WWOX: variants seen among roughly 807,000 people sequenced by gnomAD.
The protein encoded by WWOX is WW domain-containing oxidoreductase.
WWOX carries 69 observed loss-of-function variants against 46.2 expected under a neutral mutation model. That is an observed-to-expected ratio of 1.49 (90% CI 1.23 to 1.82). The LOEUF is 1.82. Among genes scored for constraint, WWOX ranks in the 40% most tolerant of loss-of-function variants. The probability of loss-of-function intolerance (pLI) is 0.00; values close to 1 mark genes in which losing one functional copy is unlikely to be tolerated. For missense variants in WWOX, 919 were observed against 542.6 expected, an observed-to-expected ratio of 1.69 and a Z score of -6.89; for synonymous variants, 359 against 202.6, an observed-to-expected ratio of 1.77 and a Z score of -6.56.
chr16:78,680,562 G>A (rs2047705707), intron 8 of WWOX, among the ~76,000 whole-genome samples: 1 of 152,122 alleles, frequency 6.6e-6, no homozygotes, highest in Admixed American at 6.6e-5. Context: ...GTAGAGCTGG[G>A]CTATCCAATA....
intron 6 of WWOX, among the ~76,000 whole-genome samples, chr16:78,409,992 C>G (rs2082639533): frequency 6.6e-6 from 1 of 152,110 alleles, no homozygotes; most frequent in Non-Finnish European, 1.5e-5. Flanking sequence ...AAACATAATC[C>G]CTAGTGTTGG....
At chr16:78,723,200 G>A (rs1244013847) in intron 8 of WWOX, among the ~76,000 whole-genome samples, 2 of 152,160 alleles carry the variant, frequency 1.3e-5, no homozygotes, top group Non-Finnish European at 2.9e-5. Flanking sequence ...GGCTTTCTTA[G>A]CAGCTACAGA....
chr16:78,994,808 G>C lies in WWOX; in HGVS notation c.1057-216800G>C, dbSNP rs1365360724. ...GTACGACAAAGAGCAGGGTTTCGCC[G>C]TGTCATGCACCATTTGCCGTTGCAC... On this transcript the variant is annotated intron_variant, in intron 8 of 8. Transcript: ENST00000566780. 4.6e-5 allele frequency among the ~76,000 whole-genome samples: 7 copies of C among 152,116 alleles called. 1 individual carries two copies. The East Asian group carries it at 1.4e-3, about 29-fold the overall frequency.
chr16:78,878,556 A>G (rs1254758177), intron 8 of WWOX, among the ~76,000 whole-genome samples: 1 of 152,230 alleles, frequency 6.6e-6, no homozygotes, highest in Non-Finnish European at 1.5e-5. Context: ...AATGTTAACT[A>G]TAATTATATT....
rs115275845 is a variant in WWOX at position 78,533,074 on chromosome 16, G to A, written c.1056+100322G>A. Among the ~76,000 whole-genome samples the A allele has an allele frequency of 4.1e-3, 620 of 152,210 alleles. 4 individuals are homozygous for A. The highest frequency in any genetic ancestry group is 0.014 in the African/African-American group (580 of 41,526). ...GAGGGTGGGAGCCAGACAGATGGGAGTATCCTAGCCTCAGTTCCTTTCCAT... is the reference window on the plus strand; with the variant it reads ...GAGGGTGGGAGCCAGACAGATGGGAATATCCTAGCCTCAGTTCCTTTCCAT... On this transcript the variant is annotated intron_variant, in intron 8 of 8. Coordinates refer to ENST00000566780, the MANE Select transcript of WWOX (RefSeq NM_016373.4).
intron 8 of WWOX, among the ~76,000 whole-genome samples, chr16:79,132,382 T>A (rs2049898130): frequency 6.6e-6 from 1 of 152,182 alleles, no homozygotes; most frequent in South Asian, 2.1e-4. Context: ...AATAGTTTTC[T>A]CTTTGTCTAA....
At chr16:78,996,573 C>T (rs1208639533) in intron 8 of WWOX, among the ~76,000 whole-genome samples, 2 of 152,036 alleles carry the variant, frequency 1.3e-5, no homozygotes, top group Non-Finnish European at 2.9e-5. Context: ...GAGAAAATTA[C>T]AGTGAGAGAT....
At chr16:78,342,347 C>A (rs2081031834) in intron 5 of WWOX, among the ~76,000 whole-genome samples, 1 of 120,854 alleles carries the variant, frequency 8.3e-6, no homozygotes, top group African/African-American at 2.8e-5. Context: ...CCTACACAAC[C>A]ACTCGTGAAG....
chr16:78,208,197 G>A (rs1455366299), intron 5 of WWOX, among the ~76,000 whole-genome samples: 1 of 152,152 alleles, frequency 6.6e-6, no homozygotes. Flanking sequence ...TTTACTGGAC[G>A]TTTTCTATAA....
intron 5 of WWOX, among the ~76,000 whole-genome samples, chr16:78,351,727 G>A (rs1164709119): frequency 2.0e-5 from 3 of 152,130 alleles, no homozygotes; most frequent in South Asian, 4.1e-4. Flanking sequence ...CACGATGTTG[G>A]CTCACTGCAA....
rs1466999821 is a variant in WWOX at position 78,099,871 on chromosome 16, G to C, written c.93G>C (p.Trp31Cys). The C allele has an allele frequency of 3.8e-6, 6 of 1,570,976 alleles. No homozygotes were observed. In the South Asian group the frequency reaches 7.1e-5, roughly 18 times the overall value. The part of the protein sequence containing the change: ...GWEERTTKDG[W>C]VYYANHTEEK... Reference sequence around the variant, plus strand: ...AGGAGAGAACCACCAAGGACGGCTGGGTTTACTACGCCAAGTAAGGGGGCC... The same window carrying C: ...AGGAGAGAACCACCAAGGACGGCTGCGTTTACTACGCCAAGTAAGGGGGCC... The change falls in exon 1 of 9, where the codon TGG becomes TGC. Residue 31 changes from tryptophan (W) to cysteine (C), a missense_variant. Coordinates refer to ENST00000566780, the MANE Select transcript of WWOX (RefSeq NM_016373.4).
rs144705459 is a variant in WWOX at position 78,716,090 on chromosome 16, C to T, written c.1056+283338C>T. Among the ~76,000 whole-genome samples the T allele has an allele frequency of 3.7e-3, 569 of 152,138 alleles. 3 individuals carry two copies. Among genetic ancestry groups the T allele is most frequent in the African/African-American group, 0.013 (549 of 41,502 alleles). Reference sequence around the variant, plus strand: ...GGGGAAAAAAAAAATCAGACAGTCACATTGAAATGAGGTCCTTAAGATAGG... The same window carrying T: ...GGGGAAAAAAAAAATCAGACAGTCATATTGAAATGAGGTCCTTAAGATAGG... On this transcript the variant is annotated intron_variant, in intron 8 of 8. Coordinates refer to ENST00000566780, the MANE Select transcript of WWOX (RefSeq NM_016373.4).
chr16:78,558,857 C>T (rs16948086), intron 8 of WWOX, among the ~76,000 whole-genome samples: 4,849 of 152,290 alleles, frequency 0.032, 239 homozygotes, highest in African/African-American at 0.1. Context: ...GACCCCTTCT[C>T]TCTACAACCT....
intron 4 of WWOX, among the ~76,000 whole-genome samples, chr16:78,149,715 C>T (rs376916919): frequency 1.6e-4 from 24 of 152,212 alleles, no homozygotes; most frequent in African/African-American, 4.6e-4. Context: ...GCCTATATCT[C>T]GTAATATCCA....
At chr16:79,057,063 C>T (rs1050102511) in intron 8 of WWOX, among the ~76,000 whole-genome samples, 3 of 152,196 alleles carry the variant, frequency 2.0e-5, no homozygotes, top group African/African-American at 7.2e-5. Flanking sequence ...AGTGATTTTG[C>T]CGCCATGGGC....
intron 8 of WWOX, among the ~76,000 whole-genome samples, chr16:78,940,072 A>G (rs568687606): frequency 2.0e-5 from 3 of 152,324 alleles, no homozygotes; most frequent in Non-Finnish European, 4.4e-5. Context: ...CCATTATACA[A>G]AAATGCATTT....
intron 5 of WWOX, among the ~76,000 whole-genome samples, chr16:78,219,459 C>G (rs2036822023): frequency 6.6e-6 from 1 of 152,126 alleles, no homozygotes; most frequent in African/African-American, 2.4e-5. Context: ...CAAATCTAAT[C>G]TAAAGTGACA....
At chr16:79,041,345 C>T (rs775618557) in intron 8 of WWOX, among the ~76,000 whole-genome samples, 2 of 152,194 alleles carry the variant, frequency 1.3e-5, no homozygotes, top group Non-Finnish European at 2.9e-5. Flanking sequence ...AGCTCACCCT[C>T]TCTAGGAAGC....
At chr16:78,818,843 A>C (rs972989956) in intron 8 of WWOX, among the ~76,000 whole-genome samples, 2 of 152,220 alleles carry the variant, frequency 1.3e-5, no homozygotes, top group Non-Finnish European at 2.9e-5. Flanking sequence ...AAGTGAGAAT[A>C]TTGGCAGAAA....
Sources: gnomAD v4.1 joint callset for allele counts (sites outside exome capture counted in the v4.1 genomes callset) on GRCh38, gnomAD v4.1.1 for gene constraint, MANE v1.5 for transcripts, NCBI Gene and HGNC (gene_info 2026-07-23, HGNC 2026-07-21) for gene names.